ZNF804B: variants seen among roughly 807,000 people sequenced by gnomAD.
ZNF804B encodes the protein zinc finger protein 804B.
Under a neutral mutation model 101.4 loss-of-function variants are expected in ZNF804B, and 80 were observed. That is an observed-to-expected ratio of 0.79 (90% CI 0.66 to 0.95). The LOEUF is 0.95. Ranked by LOEUF, ZNF804B falls within the 40% of genes least tolerant of loss-of-function variation. The pLI is 0.00. For missense variants in ZNF804B, 1,673 were observed against 1,561.9 expected, an observed-to-expected ratio of 1.07 and a Z score of -1.20; for synonymous variants, 622 against 558.8, an observed-to-expected ratio of 1.11 and a Z score of -1.59.
intron 1 of ZNF804B, among the ~76,000 whole-genome samples, chr7:89,163,586 T>G (rs1346630696): frequency 6.6e-6 from 1 of 152,166 alleles, no homozygotes; most frequent in African/African-American, 2.4e-5. Flanking sequence ...CTTATCTGTT[T>G]GATTTCTATC....
At chr7:88,938,498 G>A (rs1793006466) in intron 1 of ZNF804B, among the ~76,000 whole-genome samples, 1 of 151,952 alleles carries the variant, frequency 6.6e-6, no homozygotes, top group African/African-American at 2.4e-5. Context: ...GTCTGGTAAT[G>A]TTATACCAGA....
At chr7:88,830,361 C>G (rs1052558639) in intron 1 of ZNF804B, among the ~76,000 whole-genome samples, 2 of 151,976 alleles carry the variant, frequency 1.3e-5, no homozygotes, top group African/African-American at 4.8e-5. Context: ...GAAATATCCA[C>G]CTGCTACACA....
chr7:88,926,421 T>C (rs1792798512), intron 1 of ZNF804B, among the ~76,000 whole-genome samples: 2 of 120,192 alleles, frequency 1.7e-5, no homozygotes, highest in African/African-American at 8.3e-5. Flanking sequence ...ACCCCATGTC[T>C]ATTAAAAATA....
chr7:89,142,292 TTTTA>T (rs1052316789), intron 1 of ZNF804B, among the ~76,000 whole-genome samples: 13 of 148,110 alleles, frequency 8.8e-5, no homozygotes, highest in African/African-American at 3.1e-4. Flanking sequence ...TTGTTTTTTG[TTTTA>T]TTTTTCTTTT....
In ZNF804B at chr7:89,069,183, C is replaced by T. The variant is rs115575831; in HGVS notation, c.109-148972C>T. ...TTATGAAAGAAGAAAACTTGTAAGG[C>T]CTACCTGTCATAATTACTGTGGCCA... On this transcript the variant is annotated intron_variant, in intron 1 of 3. Coordinates refer to ENST00000333190, the MANE Select transcript of ZNF804B (RefSeq NM_181646.5). Among the ~76,000 whole-genome samples the T allele has an allele frequency of 5.9e-3, 897 of 152,250 alleles. 6 individuals carry two copies. Among genetic ancestry groups the T allele is most frequent in the African/African-American group, 0.021 (858 of 41,534 alleles).
chr7:89,286,375 T>C (rs1790196231), intron 2 of ZNF804B, among the ~76,000 whole-genome samples: 1 of 152,208 alleles, frequency 6.6e-6, no homozygotes. Context: ...GAAAGAATTA[T>C]ATCATTGAAG....
intron 2 of ZNF804B, among the ~76,000 whole-genome samples, chr7:89,273,365 C>T (rs1330544122): frequency 6.6e-6 from 1 of 152,040 alleles, no homozygotes; most frequent in African/African-American, 2.4e-5. Flanking sequence ...TTTCTAATGA[C>T]ATCTCAAGGG....
At chr7:89,209,439 A>G (rs1788770084) in intron 1 of ZNF804B, among the ~76,000 whole-genome samples, 1 of 152,208 alleles carries the variant, frequency 6.6e-6, no homozygotes, top group South Asian at 2.1e-4. Flanking sequence ...ACACTGAACT[A>G]TAAGAAAAAC....
At chr7:89,189,829 ACATC>A (rs1788427718) in intron 1 of ZNF804B, among the ~76,000 whole-genome samples, 1 of 152,100 alleles carries the variant, frequency 6.6e-6, no homozygotes, top group Non-Finnish European at 1.5e-5. Flanking sequence ...TGCTAACACA[ACATC>A]CACTCTGTAG....
At chr7:88,837,917 C>T (rs1791239034) in intron 1 of ZNF804B, among the ~76,000 whole-genome samples, 1 of 151,528 alleles carries the variant, frequency 6.6e-6, no homozygotes, top group Admixed American at 6.6e-5. Flanking sequence ...TTACTTTCTA[C>T]TAAAATGTGT....
At chr7:89,313,797 G>A (rs1237838032) in intron 2 of ZNF804B, among the ~76,000 whole-genome samples, 1 of 152,140 alleles carries the variant, frequency 6.6e-6, no homozygotes, top group African/African-American at 2.4e-5. Context: ...GAGAGGATAT[G>A]TGAAGACCAC....
intron 1 of ZNF804B, among the ~76,000 whole-genome samples, chr7:89,115,859 C>T (rs1162784733): frequency 6.6e-6 from 1 of 151,262 alleles, no homozygotes. Context: ...AACATTATTA[C>T]TGAGCATTAA....
chr7:89,292,211 T>G (rs1226835925), intron 2 of ZNF804B, among the ~76,000 whole-genome samples: 3 of 152,092 alleles, frequency 2.0e-5, no homozygotes, highest in Admixed American at 6.5e-5. Flanking sequence ...TGTGAAGGTA[T>G]AAAACTCACT....
At chr7:88,776,942 G>A (rs141855795) in intron 1 of ZNF804B, among the ~76,000 whole-genome samples, 1 of 152,286 alleles carries the variant, frequency 6.6e-6, no homozygotes, top group Non-Finnish European at 1.5e-5. Flanking sequence ...TAAAAAGCCT[G>A]AGGGAGAGAA....
At chr7:89,256,983 T>G (rs1171772066) in intron 2 of ZNF804B, among the ~76,000 whole-genome samples, 1 of 152,174 alleles carries the variant, frequency 6.6e-6, no homozygotes, top group Non-Finnish European at 1.5e-5. Flanking sequence ...AAAACTTTTT[T>G]AAAAAAGAGA....
rs553077723 is a variant in ZNF804B at position 89,330,584 on chromosome 7, A to C, written c.381-2779A>C. ...TAGAATTTAAAACCCCACAAAGATAAAAACAGGATTTTCCAAAATAATAAG... is the reference window on the plus strand; with the variant it reads ...TAGAATTTAAAACCCCACAAAGATACAAACAGGATTTTCCAAAATAATAAG... On this transcript the variant is annotated intron_variant, in intron 3 of 3. Coordinates refer to ENST00000333190, the MANE Select transcript of ZNF804B (RefSeq NM_181646.5). 2.6e-5 allele frequency among the ~76,000 whole-genome samples: 4 copies of C among 151,828 alleles called. No individual in the cohort carries two copies. In the South Asian group the frequency reaches 8.3e-4, roughly 31 times the overall value.
chr7:89,048,648 A>G (rs1191486621), intron 1 of ZNF804B, among the ~76,000 whole-genome samples: 1 of 151,960 alleles, frequency 6.6e-6, no homozygotes, highest in East Asian at 1.9e-4. Context: ...TACTCCTGCT[A>G]GTATTTTGAA....
At chr7:88,790,048 G>T (rs1030445463) in intron 1 of ZNF804B, among the ~76,000 whole-genome samples, 2 of 151,996 alleles carry the variant, frequency 1.3e-5, no homozygotes, top group Non-Finnish European at 1.5e-5. Context: ...TATCAACGGG[G>T]CAGTCTGTAC....
chr7:88,903,058 T>G (rs1275295898), intron 1 of ZNF804B, among the ~76,000 whole-genome samples: 1 of 152,064 alleles, frequency 6.6e-6, no homozygotes, highest in Non-Finnish European at 1.5e-5. Flanking sequence ...GTAATAAGCA[T>G]AGTACCCAAT....
Sources: gnomAD v4.1 joint callset for allele counts (sites outside exome capture counted in the v4.1 genomes callset) on GRCh38, gnomAD v4.1.1 for gene constraint, MANE v1.5 for transcripts, NCBI Gene and HGNC (gene_info 2026-07-23, HGNC 2026-07-21) for gene names.